PACS1: variants seen among roughly 807,000 people sequenced by gnomAD.
PACS1 encodes the protein phosphofurin acidic cluster sorting protein 1.
In PACS1, 24 loss-of-function variants were observed where a neutral mutation model predicts 115.0. That is an observed-to-expected ratio of 0.21 (90% CI 0.15 to 0.29). The LOEUF (loss-of-function observed/expected upper bound fraction) is 0.29. PACS1 is among the 10% of genes least tolerant of loss of function. The pLI, the probability that PACS1 is intolerant of heterozygous loss-of-function variation, is 1.00. For synonymous variants in PACS1, 453 were observed against 504.5 expected, an observed-to-expected ratio of 0.90 and a Z score of 1.37; for missense variants, 838 against 1,251.2, an observed-to-expected ratio of 0.67 and a Z score of 4.98.
intron 1 of PACS1, among the ~76,000 whole-genome samples, chr11:66,142,100 G>A (rs532954478): frequency 3.3e-5 from 5 of 152,022 alleles, no homozygotes; most frequent in African/African-American, 4.8e-5. Context: ...ATGAGTCACC[G>A]CTCCCGGCCA....
intron 8 of PACS1, 61 bp downstream of exon 8, chr11:66,219,866 C>A: frequency 8.7e-7 from 1 of 1,150,442 alleles, no homozygotes; most frequent in Non-Finnish European, 1.3e-6. Flanking sequence ...CACCCAGCAT[C>A]CCTGGAGTAC....
rs183644962 is a variant in PACS1, at chr11:66,098,535, C to T, written c.356+27693C>T. On this transcript the variant is annotated intron_variant, in intron 1 of 23. Transcript: ENST00000320580. Reference sequence around the variant, plus strand: ...CTTAAATATTTCAGTGTTTATTTTCCGCCAGTTAAGGGCACTCCCAAATAA... The same window carrying T: ...CTTAAATATTTCAGTGTTTATTTTCTGCCAGTTAAGGGCACTCCCAAATAA... 1.2e-4 allele frequency among the ~76,000 whole-genome samples: 19 copies of T among 152,264 alleles called. No homozygotes were observed. The East Asian group carries it at 3.5e-3, about 28-fold the overall frequency.
intron 10 of PACS1, among the ~76,000 whole-genome samples, chr11:66,223,131 C>T (rs1235876805): frequency 4.0e-5 from 6 of 150,768 alleles, no homozygotes; most frequent in African/African-American, 1.2e-4. Context: ...TTGCTCTTAT[C>T]GCCCAGGCAG....
Position 66,243,163 on chromosome 11 carries a change from A to C in PACS1, c.2777-2A>C. The C allele has an allele frequency of 6.2e-7, 1 of 1,613,154 alleles. No individual in the cohort carries two copies. Among genetic ancestry groups the C allele is most frequent in the Non-Finnish European group, 8.5e-7 (1 of 1,179,414 alleles). On this transcript the variant is annotated splice_acceptor_variant, in intron 23 of 23. Coordinates refer to ENST00000320580, the MANE Select transcript of PACS1 (RefSeq NM_018026.4). LOFTEE classifies it high-confidence loss of function. ...TCACCCCTCCTCTCCTGTCACCCCTAGTGTCCATCGATGGGGTCGAGTGGA... is the reference window on the plus strand; with the variant it reads ...TCACCCCTCCTCTCCTGTCACCCCTCGTGTCCATCGATGGGGTCGAGTGGA...
chr11:66,199,147 C>T (rs1262439847), intron 2 of PACS1, among the ~76,000 whole-genome samples: 1 of 152,038 alleles, frequency 6.6e-6, no homozygotes, highest in African/African-American at 2.4e-5. Flanking sequence ...AACCCCATCT[C>T]TACTAATAAT....
At chr11:66,223,559 ATGGGCAAACCCTAC>A (rs1855405231) in intron 10 of PACS1, among the ~76,000 whole-genome samples, 1 of 152,142 alleles carries the variant, frequency 6.6e-6, no homozygotes, top group Non-Finnish European at 1.5e-5. Flanking sequence ...CAGCATCCAC[ATGGGCAAACCCTAC>A]TGGGCAAACC....
intron 2 of PACS1, among the ~76,000 whole-genome samples, chr11:66,203,864 T>A (rs1158327324): frequency 1.6e-5 from 2 of 124,464 alleles, no homozygotes; most frequent in Admixed American, 1.7e-4. Flanking sequence ...AAAAATTGAC[T>A]GGAGACTTAA....
chr11:66,084,026 A>T (rs750558100), intron 1 of PACS1: 2 of 152,318 alleles, frequency 1.3e-5, no homozygotes, highest in Non-Finnish European at 2.9e-5. Context: ...AACAGACAGA[A>T]ATTCCAGCTC....
Position 66,205,462 on chromosome 11 carries a change from A to G in PACS1, c.445-4900A>G, listed in dbSNP as rs563306888. 1.1e-4 allele frequency among the ~76,000 whole-genome samples: 17 copies of G among 152,028 alleles called. No homozygotes were observed. The South Asian group carries it at 2.9e-3, about 26-fold the overall frequency. On this transcript the variant is annotated intron_variant, in intron 2 of 23. Transcript: ENST00000320580. ...AAATGCTTGAGGCGATGGATACCCA[A>G]TATAACCTGATGTGATTATTACATG...
At chr11:66,075,577 T>A (rs1857380369) in intron 1 of PACS1, among the ~76,000 whole-genome samples, 1 of 152,212 alleles carries the variant, frequency 6.6e-6, no homozygotes, top group African/African-American at 2.4e-5. Context: ...GGAATACTTT[T>A]ACTTACCATC....
At chr11:66,216,664 C>G (rs1165937933) in intron 6 of PACS1, 31 bp from the exon 7 acceptor site, 1 of 1,611,440 alleles carries the variant, frequency 6.2e-7, no homozygotes, top group Admixed American at 1.7e-5. Flanking sequence ...CTGGGGTTTC[C>G]CACCCTCATT....
chr11:66,114,776 G>A (rs2134550882), intron 1 of PACS1, among the ~76,000 whole-genome samples: 1 of 152,270 alleles, frequency 6.6e-6, no homozygotes, highest in South Asian at 2.1e-4. Flanking sequence ...TGTGACTGCG[G>A]ACTTCATTAG....
rs182120361 is a variant in PACS1 at position 66,147,348 on chromosome 11, T to G, written c.357-46138T>G. 2.4e-4 allele frequency among the ~76,000 whole-genome samples: 37 copies of G among 151,158 alleles called. No individual in the cohort carries two copies. In the East Asian group the frequency reaches 6.0e-3, roughly 24 times the overall value. ...TGCTACGAGATCTACCTGAAAGAAG[T>G]TTTTTTGACTGAGAGGAAAATTCTA... On this transcript the variant is annotated intron_variant, in intron 1 of 23. Coordinates refer to ENST00000320580, the MANE Select transcript of PACS1 (RefSeq NM_018026.4).
chr11:66,227,877 G>A (rs759951295), intron 11 of PACS1, among the ~76,000 whole-genome samples: 1 of 152,106 alleles, frequency 6.6e-6, no homozygotes, highest in East Asian at 1.9e-4. Flanking sequence ...TGTCACCAGC[G>A]TTCTCCCTGG....
intron 1 of PACS1, among the ~76,000 whole-genome samples, chr11:66,132,683 T>A (rs1858731605): frequency 6.6e-6 from 1 of 152,196 alleles, no homozygotes; most frequent in African/African-American, 2.4e-5. Context: ...GGTACATACT[T>A]CTTGAGATGG....
intron 1 of PACS1, chr11:66,083,970 T>G (rs1465395033): frequency 3.3e-5 from 5 of 152,210 alleles, no homozygotes; most frequent in Non-Finnish European, 7.3e-5. Context: ...GAGCACACAT[T>G]ACAGACCAGT....
Position 66,221,210 on chromosome 11 carries a change from A to T in PACS1, c.1256A>T (p.Asn419Ile). 1 of 1,614,196 alleles carries T rather than the reference A, an allele frequency of 6.2e-7. No homozygotes were observed. Among genetic ancestry groups the T allele is most frequent in the Non-Finnish European group, 8.5e-7 (1 of 1,180,030 alleles). The change falls in exon 10 of 24, where the codon AAC becomes ATC. Residue 419 changes from asparagine (N) to isoleucine (I), a missense_variant. Around this residue, in one of 6 missense-constraint regions of PACS1, gnomAD observed 383 missense variants for 537.0 expected, o/e 0.71. Coordinates refer to ENST00000320580, the MANE Select transcript of PACS1 (RefSeq NM_018026.4). ...TCCCAGACGGAGATTGGCAGCCTCA[A>T]CAGCAAAGGCAGCCTCGGAAAAGAC... ...SSSQTEIGSL[N>I]SKGSLGKDTT...
At chr11:66,215,209 G>C (rs1468295241) in intron 4 of PACS1, among the ~76,000 whole-genome samples, 1 of 152,064 alleles carries the variant, frequency 6.6e-6, no homozygotes, top group Non-Finnish European at 1.5e-5. Context: ...TGGGATTACA[G>C]GTGTGAGCCA....
At chr11:66,230,220 G>C (rs1351329037) in intron 11 of PACS1, among the ~76,000 whole-genome samples, 1 of 152,040 alleles carries the variant, frequency 6.6e-6, no homozygotes, top group Non-Finnish European at 1.5e-5. Flanking sequence ...GTCCGGTCAG[G>C]GCACCAGGGA....
Sources: gnomAD v4.1 joint callset for allele counts (sites outside exome capture counted in the v4.1 genomes callset) on GRCh38, gnomAD v4.1.1 for gene constraint, gnomAD v4.1.1 regional missense constraint, MANE v1.5 for transcripts, NCBI Gene and HGNC (gene_info 2026-07-23, HGNC 2026-07-21) for gene names.